Variants in CYYR1 observed in about 807,000 individuals in gnomAD.
CYYR1 encodes the protein cysteine and tyrosine-rich protein 1.
Under a neutral mutation model 15.2 loss-of-function variants are expected in CYYR1, and 14 were observed. That is an observed-to-expected ratio of 0.92 (90% CI 0.61 to 1.44). The LOEUF (loss-of-function observed/expected upper bound fraction) is 1.44, where lower values mean the gene tolerates loss of function less well. Among genes scored for constraint, CYYR1 ranks in the 40% most tolerant of loss-of-function variants. The pLI, the probability that CYYR1 is intolerant of heterozygous loss-of-function variation, is 0.00. For missense variants in CYYR1, 228 were observed against 209.5 expected (o/e 1.09, Z -0.54); for synonymous variants, 80 against 77.4 (o/e 1.03, Z -0.18).
rs967266417 is a variant in CYYR1, at chr21:26,573,181, G to T, written c.-241C>A. On this transcript the variant is annotated 5_prime_UTR_variant, in exon 1 of 4. The change creates a new upstream start codon in the 5' untranslated region. Coordinates refer to ENST00000652641, the MANE Select transcript of CYYR1 (RefSeq NM_001320768.2). ...CGAGACGGGCTGCGCTGGGGGCCCAGGTCTCTTTGTCTCGCCCCACTGCGC... is the reference window on the plus strand; with the variant it reads ...CGAGACGGGCTGCGCTGGGGGCCCATGTCTCTTTGTCTCGCCCCACTGCGC... 6.8e-7 allele frequency: 1 copy of T among 1,473,606 alleles called. No homozygotes were observed. The highest frequency in any genetic ancestry group is 9.0e-7 in the Non-Finnish European group (1 of 1,111,234). 91.3% of individuals were successfully genotyped at this position (1,473,606 alleles called of 1,614,324 possible). A position where few individuals can be genotyped will look rare whatever the true frequency, so the allele number is the denominator to read the frequency against.
intron 2 of CYYR1, among the ~76,000 whole-genome samples, chr21:26,543,631 C>T (rs1569168148): frequency 6.6e-6 from 1 of 152,146 alleles, no homozygotes; most frequent in East Asian, 1.9e-4. Context: ...TATAGCTGGG[C>T]GTGGTGGCTC....
At chr21:26,572,804 C>G in intron 1 of CYYR1, 64 bp downstream of exon 1, 3 of 1,590,276 alleles carry the variant, frequency 1.9e-6, no homozygotes, top group Non-Finnish European at 2.6e-6. Context: ...CCCACGTTAG[C>G]CCGGACCGTG....
At chr21:26,510,180 C>G (rs1462335233) in intron 2 of CYYR1, among the ~76,000 whole-genome samples, 1 of 152,116 alleles carries the variant, frequency 6.6e-6, no homozygotes, top group Non-Finnish European at 1.5e-5. Flanking sequence ...AACAGAATTT[C>G]CAAATGTAGG....
At chr21:26,484,966 C>T (rs192169072) in intron 2 of CYYR1, among the ~76,000 whole-genome samples, 4 of 151,864 alleles carry the variant, frequency 2.6e-5, no homozygotes, top group South Asian at 4.2e-4. Flanking sequence ...TAAGACATGG[C>T]AAGTATAAAA....
intron 2 of CYYR1, chr21:26,482,430 T>G (rs1399483551): frequency 2.0e-6 from 2 of 985,332 alleles, no homozygotes; most frequent in Non-Finnish European, 2.4e-6. Flanking sequence ...CCTGATGATT[T>G]CCTTCTTACA....
At chr21:26,517,200 AT>A (rs1344411938) in intron 2 of CYYR1, among the ~76,000 whole-genome samples, 3 of 151,670 alleles carry the variant, frequency 2.0e-5, no homozygotes, top group Non-Finnish European at 2.9e-5. Flanking sequence ...AAGGTTAAAA[AT>A]AAGGTACCTA....
intron 2 of CYYR1, among the ~76,000 whole-genome samples, chr21:26,544,729 G>A (rs1009771075): frequency 1.3e-5 from 2 of 152,162 alleles, no homozygotes; most frequent in Non-Finnish European, 2.9e-5. Context: ...GGATGATCTT[G>A]TAAGTAAAAA....
At chr21:26,534,346 T>G (rs1001323429) in intron 2 of CYYR1, among the ~76,000 whole-genome samples, 1 of 152,206 alleles carries the variant, frequency 6.6e-6, no homozygotes, top group Non-Finnish European at 1.5e-5. Flanking sequence ...TCAGAGGCAG[T>G]GGCCTCTCTA....
rs370713878 is a variant in CYYR1, at chr21:26,562,695, T to G, written c.176+3571A>C. Among the ~76,000 whole-genome samples the G allele has an allele frequency of 8.6e-5, 13 of 151,706 alleles. No individual in the cohort carries two copies. The East Asian group carries it at 1.9e-3, about 23-fold the overall frequency. On this transcript the variant is annotated intron_variant, in intron 2 of 3. Transcript: ENST00000652641. Reference sequence around the variant, plus strand: ...TTCAAAACTCTGATCAGATTCCATGTTGATGATCTGTTCCCTAAACATCTC... The same window carrying G: ...TTCAAAACTCTGATCAGATTCCATGGTGATGATCTGTTCCCTAAACATCTC...
At chr21:26,490,082 T>G (rs1601744568) in intron 2 of CYYR1, among the ~76,000 whole-genome samples, 2 of 151,974 alleles carry the variant, frequency 1.3e-5, no homozygotes, top group East Asian at 3.9e-4. Context: ...GGAGTGCTGA[T>G]CCCTTGAGCC....
At position 26,573,084 on chromosome 21, in the gene CYYR1, C is replaced by A. The variant is rs1291631053; in HGVS notation, c.-144G>T. The A allele has an allele frequency of 1.3e-6, 2 of 1,534,798 alleles. No homozygotes were observed. The highest frequency in any genetic ancestry group is 2.4e-5 in the South Asian group (2 of 84,200). On this transcript the variant is annotated 5_prime_UTR_variant, in exon 1 of 4. An upstream open reading frame in the 5' UTR gains an earlier in-frame stop. Transcript: ENST00000652641. ...CCCGGCCATTGCCTAGGGAGCCTTCCAAGGGAGCCCGGGCCGGGCGCGTCC... is the reference window on the plus strand; with the variant it reads ...CCCGGCCATTGCCTAGGGAGCCTTCAAAGGGAGCCCGGGCCGGGCGCGTCC...
intron 2 of CYYR1, among the ~76,000 whole-genome samples, chr21:26,524,424 T>A (rs2065838623): frequency 6.6e-6 from 1 of 152,244 alleles, no homozygotes; most frequent in Admixed American, 6.5e-5. Context: ...TCAAAGTTGA[T>A]GTTGTGGAAA....
At chr21:26,505,385 G>C (rs1301050786) in intron 2 of CYYR1, among the ~76,000 whole-genome samples, 1 of 152,226 alleles carries the variant, frequency 6.6e-6, no homozygotes, top group African/African-American at 2.4e-5. Context: ...CCGGAAGATG[G>C]TGCATTCCAG....
At chr21:26,534,678 G>C (rs1450637313) in intron 2 of CYYR1, among the ~76,000 whole-genome samples, 1 of 152,020 alleles carries the variant, frequency 6.6e-6, no homozygotes, top group African/African-American at 2.4e-5. Flanking sequence ...CTGCATTTTC[G>C]TAACTGTTCC....
intron 1 of CYYR1, 116 bp from the exon 2 acceptor site, chr21:26,566,484 T>C (rs975344373): frequency 5.4e-6 from 4 of 738,122 alleles, no homozygotes; most frequent in Non-Finnish European, 9.1e-6. Context: ...GTTTTAAATC[T>C]TCATTTTCGT....
chr21:26,559,726 A>G (rs1460371440), intron 2 of CYYR1, among the ~76,000 whole-genome samples: 1 of 152,124 alleles, frequency 6.6e-6, no homozygotes, highest in African/African-American at 2.4e-5. Context: ...ATCCACCTCC[A>G]CTAGTCTGTA....
intron 2 of CYYR1, among the ~76,000 whole-genome samples, chr21:26,518,883 T>G (rs1299520010): frequency 6.6e-6 from 1 of 152,166 alleles, no homozygotes; most frequent in Non-Finnish European, 1.5e-5. Context: ...TAATTTACAT[T>G]TTTGGAGTAT....
intron 2 of CYYR1, among the ~76,000 whole-genome samples, chr21:26,485,394 C>G (rs1321774208): frequency 6.6e-6 from 1 of 152,040 alleles, no homozygotes; most frequent in Admixed American, 6.6e-5. Context: ...CATATAACCA[C>G]TACAGCAAGC....
chr21:26,487,503 C>T (rs1157397580), intron 2 of CYYR1, among the ~76,000 whole-genome samples: 1 of 151,668 alleles, frequency 6.6e-6, no homozygotes, highest in Non-Finnish European at 1.5e-5. Context: ...ATAATTCATT[C>T]TTTTGGCCAA....
Sources: gnomAD v4.1 joint callset for allele counts (sites outside exome capture counted in the v4.1 genomes callset) on GRCh38, gnomAD v4.1.1 for gene constraint, MANE v1.5 for transcripts, NCBI Gene and HGNC (gene_info 2026-07-23, HGNC 2026-07-21) for gene names.